The following EPHA2 variants were observed in gnomAD, a reference collection of about 807,000 sequenced individuals.
EPHA2 encodes the protein EPH receptor A2, also known as ephrin type-A receptor 2.
EPHA2 carries 54 observed loss-of-function variants against 104.9 expected under a neutral mutation model. That is an observed-to-expected ratio of 0.51 (90% CI 0.41 to 0.65). The LOEUF is 0.65. Ranked by LOEUF, EPHA2 falls within the 30% of genes least tolerant of loss-of-function variation. The pLI is 0.00. For missense variants in EPHA2, 1,117 were observed against 1,369.5 expected (o/e 0.82, Z 2.91); for synonymous variants, 560 against 559.1 (o/e 1.00, Z -0.02).
intron 5 of EPHA2, among the ~76,000 whole-genome samples, chr1:16,136,588 C>T (rs2024689212): frequency 6.8e-6 from 1 of 147,500 alleles, no homozygotes; most frequent in Non-Finnish European, 1.5e-5. Flanking sequence ...CATTGCACTC[C>T]AGCCTGGGCA....
intron 1 of EPHA2, among the ~76,000 whole-genome samples, chr1:16,152,880 C>T (rs1002722915): frequency 6.6e-6 from 1 of 152,232 alleles, no homozygotes; most frequent in African/African-American, 2.4e-5. Flanking sequence ...TTTCCAACCC[C>T]GGCCCCCTCC....
intron 5 of EPHA2, among the ~76,000 whole-genome samples, chr1:16,136,766 A>AGAAGAG (rs1553135651): frequency 5.3e-5 from 8 of 149,886 alleles, no homozygotes; most frequent in African/African-American, 1.7e-4. Flanking sequence ...AAGAAGAAGA[A>AGAAGAG]GAAGAAGAAC....
chr1:16,144,290 C>T (rs1485114319), intron 3 of EPHA2, among the ~76,000 whole-genome samples: 1 of 152,148 alleles, frequency 6.6e-6, no homozygotes, highest in Non-Finnish European at 1.5e-5. Flanking sequence ...CGTGGTCCCA[C>T]CTCTGTAGGC....
chr1:16,133,073 T>C (rs1217104386), intron 11 of EPHA2, 107 bp downstream of exon 11: 1 of 1,452,910 alleles, frequency 6.9e-7, no homozygotes, highest in Non-Finnish European at 9.4e-7. Flanking sequence ...TGGGTGCAGG[T>C]GTGGGGGGAA....
At position 16,155,858 on chromosome 1, in the gene EPHA2, C is replaced by A; in HGVS notation, c.75G>T (p.Gln25His). The A allele has an allele frequency of 6.9e-7, 1 of 1,455,504 alleles. No individual in the cohort carries two copies. Among genetic ancestry groups the A allele is most frequent in the South Asian group, 1.3e-5 (1 of 74,178 alleles). The allele number at this position is 1,455,504 out of a possible 1,614,324, so 90.2% of individuals were successfully genotyped here. A position where few individuals can be genotyped will look rare whatever the true frequency, so the allele number is the denominator to read the frequency against. The part of the protein sequence containing the change: ...GCALAAAAAA[Q>H]GKEVVLLDFA... ...GCCGCGCGCACTCACCTTCCTTGCCCTGCGCCGCCGCGGCCGCGGCCAGCG... is the reference window on the plus strand; with the variant it reads ...GCCGCGCGCACTCACCTTCCTTGCCATGCGCCGCCGCGGCCGCGGCCAGCG... The change falls in exon 1 of 17, where the codon CAG becomes CAT. Residue 25 changes from glutamine to histidine, a missense_variant. Gln to His is a conservative substitution (Grantham distance 24). This residue lies in a region of EPHA2 where 664 missense variants were observed against 784.8 expected (regional missense o/e 0.85). Coordinates refer to ENST00000358432, the MANE Select transcript of EPHA2 (RefSeq NM_004431.5).
intron 16 of EPHA2, among the ~76,000 whole-genome samples, chr1:16,126,336 C>A (rs956471580): frequency 6.6e-6 from 1 of 152,206 alleles, no homozygotes; most frequent in Non-Finnish European, 1.5e-5. Context: ...TGAAAACACC[C>A]AAGTTTTTAT....
rs2024554921 is a variant in EPHA2 at position 16,130,597 on chromosome 1, C to G, written c.2476-178G>C. On this transcript the variant is annotated intron_variant, in intron 14 of 16. Coordinates refer to ENST00000358432, the MANE Select transcript of EPHA2 (RefSeq NM_004431.5). The surrounding 1 kb of genome is among the most constrained non-coding windows in gnomAD (Gnocchi z 4.5). The stretch of plus-strand genomic sequence containing the variant: ...TCAGAGCTGCCCAAAGGGCAAATGC[C>G]TAAGGGTCTGTGTCCAGAGTTCACT... Among the ~76,000 whole-genome samples, 1 of 151,958 alleles carries G rather than the reference C, an allele frequency of 6.6e-6. No individual in the cohort carries two copies. Among genetic ancestry groups the G allele is most frequent in the Non-Finnish European group, 1.5e-5 (1 of 68,018 alleles).
intron 16 of EPHA2, among the ~76,000 whole-genome samples, chr1:16,126,676 C>T (rs1566147): frequency 0.31 from 46,404 of 152,098 alleles, 7,257 homozygotes; most frequent in Middle Eastern, 0.35. Context: ...TGGAAAAGCG[C>T]TCAGACCACG....
Position 16,133,899 on chromosome 1 carries a change from C to T in EPHA2, c.1699G>A (p.Ala567Thr). The T allele has an allele frequency of 1.3e-6, 2 of 1,550,428 alleles. No individual in the cohort carries two copies. Among genetic ancestry groups the T allele is most frequent in the Non-Finnish European group, 1.7e-6 (2 of 1,146,360 alleles). The stretch of plus-strand genomic sequence containing the variant: ...TAAACGTCCTCCGGGGACTGGCGGG[C>T]ACGCTGGTTCTTCCTCCTGAAAGAG... ...FIHRRRKNQR[A>T]RQSPEDVYFS... The change falls in exon 9 of 17, where the codon GCC becomes ACC. Residue 567 changes from alanine to threonine, a missense_variant. Around this residue, in one of 3 missense-constraint regions of EPHA2, gnomAD observed 113 missense variants for 104.3 expected, o/e 1.08. Coordinates refer to ENST00000358432, the MANE Select transcript of EPHA2 (RefSeq NM_004431.5).
At chr1:16,152,677 GC>G (rs923333534) in intron 1 of EPHA2, among the ~76,000 whole-genome samples, 16 of 152,286 alleles carry the variant, frequency 1.1e-4, no homozygotes, top group African/African-American at 3.9e-4. Context: ...CAGTCCTGCA[GC>G]CCCCCCTTAG....
chr1:16,136,421 AC>A (rs1361461611), intron 5 of EPHA2, among the ~76,000 whole-genome samples: 1 of 151,286 alleles, frequency 6.6e-6, no homozygotes, highest in African/African-American at 2.4e-5. Context: ...GGAGTTCGAG[AC>A]CAGCCTGACC....
chr1:16,136,514 G>A (rs1186268121), intron 5 of EPHA2, among the ~76,000 whole-genome samples: 1 of 150,434 alleles, frequency 6.6e-6, no homozygotes, highest in Non-Finnish European at 1.5e-5. Context: ...AGCTACTCAG[G>A]AGGCTGAGGC....
rs1426600582 is a variant in EPHA2 at position 16,135,184 on chromosome 1, G to A, written c.1434C>T (p.Asp478=). ...TGCGGCGCACATTGTAGCTGTTGGA[G>A]TCTCCCTGTGGGTGGGTGGCCGGCG... ...KYEVTYRKKG[D]SNSYNVRRTE... The change falls in exon 7 of 17, where the codon GAC becomes GAT. Residue 478 remains aspartate, a synonymous_variant. Transcript: ENST00000358432. This position sits in a 1 kb window ranked among gnomAD's most constrained non-coding sequence, Gnocchi z 4.3. The A allele has an allele frequency of 6.2e-7, 1 of 1,613,772 alleles. No individual in the cohort carries two copies. Among genetic ancestry groups the A allele is most frequent in the East Asian group, 2.2e-5 (1 of 44,880 alleles).
Position 16,130,540 on chromosome 1 carries a change from G to A in EPHA2, c.2476-121C>T, listed in dbSNP as rs1024217004. On this transcript the variant is annotated intron_variant, in intron 14 of 16. Transcript: ENST00000358432. The surrounding 1 kb of genome is among the most constrained non-coding windows in gnomAD (Gnocchi z 4.5). ...AACAGGAACATCCCAGAAACAGACA[G>A]GAAGGGCCTTTCTTGAGCTGCCACC... is the stretch of plus-strand genomic sequence containing the variant. The A allele has an allele frequency of 5.0e-6, 5 of 1,000,332 alleles. No homozygotes were observed. In the East Asian group the frequency reaches 8.3e-5, roughly 17 times the overall value. 62.0% of individuals were successfully genotyped at this position (1,000,332 alleles called of 1,614,324 possible).
chr1:16,138,242 A>C (rs764897782), intron 4 of EPHA2, 33 bp downstream of exon 4: 1 of 1,612,708 alleles, frequency 6.2e-7, no homozygotes, highest in Non-Finnish European at 8.5e-7. Flanking sequence ...CGTCACCCTC[A>C]GTCACGCCAC....
In EPHA2 at chr1:16,130,698, C is replaced by T. The variant is rs1316928669; in HGVS notation, c.2476-279G>A. ...AGGCTAGAGTGCAGTGGCGCTATCACACCTCACGGCAGCCTCAACCTCCTG... is the reference window on the plus strand; with the variant it reads ...AGGCTAGAGTGCAGTGGCGCTATCATACCTCACGGCAGCCTCAACCTCCTG... On this transcript the variant is annotated intron_variant, in intron 14 of 16. Transcript: ENST00000358432. The surrounding 1 kb of genome is among the most constrained non-coding windows in gnomAD (Gnocchi z 4.5). Among the ~76,000 whole-genome samples, 1 of 151,942 alleles carries T rather than the reference C, an allele frequency of 6.6e-6. No homozygotes were observed. Among genetic ancestry groups the T allele is most frequent in the African/African-American group, 2.4e-5 (1 of 41,364 alleles).
At position 16,131,822 on chromosome 1, in the gene EPHA2, G is replaced by T. The variant is rs55869078; in HGVS notation, c.2374C>A (p.Arg792=). The change falls in exon 14 of 17, where the codon CGG becomes AGG. Residue 792 remains arginine, a synonymous_variant. Coordinates refer to ENST00000358432, the MANE Select transcript of EPHA2 (RefSeq NM_004431.5). The surrounding 1 kb of genome is among the most constrained non-coding windows in gnomAD (Gnocchi z 5.2). ...RWTAPEAISY[R]KFTSASDVWS... The stretch of plus-strand genomic sequence containing the variant: ...ACGTCGCTGGCAGAGGTGAACTTCC[G>T]GTAGGAAATGGCCTCCGGGGCGGTC... 1,309 of 1,614,062 alleles carry T rather than the reference G, an allele frequency of 8.1e-4. 9 individuals carry two copies. Among genetic ancestry groups the T allele is most frequent in the African/African-American group, 6.9e-3 (515 of 75,030 alleles).
intron 2 of EPHA2, 31 bp from the exon 3 acceptor site, chr1:16,149,078 C>T (rs775086685): frequency 6.2e-7 from 1 of 1,607,504 alleles, no homozygotes; most frequent in Non-Finnish European, 8.5e-7. Flanking sequence ...TTAGTGTGGG[C>T]AGGTGCCTGG....
chr1:16,134,785 CT>C lies in EPHA2; in HGVS notation c.1583-219del, dbSNP rs1179071643. ...AGGTATGTGGGGCTCAAAGCTCTGG[CT>C]TTTTCTGAGATGCGGATTTGAACTT... On this transcript the variant is annotated intron_variant, in intron 7 of 16. Coordinates refer to ENST00000358432, the MANE Select transcript of EPHA2 (RefSeq NM_004431.5). The surrounding 1 kb of genome is among the most constrained non-coding windows in gnomAD (Gnocchi z 4.5). Among the ~76,000 whole-genome samples the C allele has an allele frequency of 1.3e-5, 2 of 152,166 alleles. No individual in the cohort carries two copies. The highest frequency in any genetic ancestry group is 4.8e-5 in the African/African-American group (2 of 41,440).
Sources: gnomAD v4.1 joint callset for allele counts (sites outside exome capture counted in the v4.1 genomes callset) on GRCh38, gnomAD v4.1.1 for gene constraint, gnomAD v4.1.1 regional missense constraint, Gnocchi (gnomAD v3.1) non-coding constraint, MANE v1.5 for transcripts, NCBI Gene and HGNC (gene_info 2026-07-23, HGNC 2026-07-21) for gene names.